Variants in OR8J1 observed in about 807,000 individuals in gnomAD.
OR8J1 encodes olfactory receptor 8J1.
For missense variants in OR8J1, 400 were observed against 373.0 expected, an observed-to-expected ratio of 1.07 and a Z score of -0.60; for synonymous variants, 157 against 144.3, an observed-to-expected ratio of 1.09 and a Z score of -0.63.
In OR8J1 at chr11:56,360,495, T is replaced by G. The variant is rs62001034; in HGVS notation, c.249T>G (p.Ile83Met). Residue 83 changes from isoleucine (I) to methionine (M), a missense_variant, in exon 2 of 2, where the codon ATT becomes ATG. Coordinates refer to ENST00000533152, the MANE Select transcript of OR8J1 (RefSeq NM_001005205.3). ...NSTVIAPKML[I>M]NFLVKKKTTS... ...CTGTCATTGCCCCTAAAATGCTGAT[T>G]AACTTTTTAGTAAAGAAGAAAACTA... The G allele has an allele frequency of 0.019, 30,657 of 1,614,142 alleles. 502 individuals carry two copies. The highest frequency in any genetic ancestry group is 0.06 in the South Asian group (5,476 of 91,078).
intron 1 of OR8J1, among the ~76,000 whole-genome samples, chr11:56,354,732 C>T (rs1260486226): frequency 6.6e-6 from 1 of 152,096 alleles, no homozygotes; most frequent in African/African-American, 2.4e-5. Context: ...CAAAATGATG[C>T]CCCTTTTTGA....
At chr11:56,356,598 G>A (rs1854972068) in intron 1 of OR8J1, among the ~76,000 whole-genome samples, 2 of 152,060 alleles carry the variant, frequency 1.3e-5, no homozygotes, top group South Asian at 4.1e-4. Flanking sequence ...CGTAGTGTTT[G>A]GAAATAAAAG....
At chr11:56,355,266 AATATAT>A (rs142666884) in intron 1 of OR8J1, among the ~76,000 whole-genome samples, 1 of 149,762 alleles carries the variant, frequency 6.7e-6, no homozygotes, top group Non-Finnish European at 1.5e-5. Context: ...ATAGGGAATA[AATATAT>A]ATATATATAT....
Position 56,360,653 on chromosome 11 carries a change from T to A in OR8J1, c.407T>A (p.Val136Glu). The part of the protein sequence containing the change: ...ICNPLLYMVV[V>E]SRRLCLLLVS... ...AACCCTCTGCTGTACATGGTGGTGG[T>A]GTCTCGGCGGCTCTGCCTCCTGCTG... The change falls in exon 2 of 2, where the codon GTG (valine) becomes GAG (glutamate). Residue 136 changes from valine to glutamate, a missense_variant. Transcript: ENST00000533152. 1 of 1,611,664 alleles carries A rather than the reference T, an allele frequency of 6.2e-7. No individual in the cohort carries two copies.
chr11:56,357,114 T>C (rs1270876917), intron 1 of OR8J1, among the ~76,000 whole-genome samples: 1 of 152,138 alleles, frequency 6.6e-6, no homozygotes, highest in Non-Finnish European at 1.5e-5. Flanking sequence ...ACCTCTAAAC[T>C]CATTTTTTGT....
chr11:56,360,732 T>A lies in OR8J1; in HGVS notation c.486T>A (p.Tyr162Ter). The change falls in exon 2 of 2, where the codon TAT becomes TAA. Residue 162 changes from tyrosine to a stop codon, truncating the protein, a stop_gained. Transcript: ENST00000533152. LOFTEE classifies it low-confidence loss of function (END_TRUNC). ...CTACAGCTATTGTGGTTTCATCTTA[T>A]GTATTCTCTGTGTCTTATTGCTCTT... ...GFSTAIVVSSYVFSVSYCSSN... is the reference protein window; with the variant it reads ...GFSTAIVVSS 6.2e-7 allele frequency: 1 copy of A among 1,608,074 alleles called. No homozygotes were observed. Among genetic ancestry groups the A allele is most frequent in the Non-Finnish European group, 8.5e-7 (1 of 1,178,266 alleles).
At chr11:56,355,637 C>T (rs1331421805) in intron 1 of OR8J1, among the ~76,000 whole-genome samples, 8 of 151,966 alleles carry the variant, frequency 5.3e-5, no homozygotes, top group Non-Finnish European at 7.4e-5. Context: ...CAAAAACAAA[C>T]AAACAAACAA....
chr11:56,360,605 A>T lies in OR8J1; in HGVS notation c.359A>T (p.Tyr120Phe). Reference protein sequence around the residue: ...SEVIMLALMAYDRYVAICNPL... With the variant: ...SEVIMLALMAFDRYVAICNPL... ...GTAATCATGCTGGCTTTGATGGCCTATGACCGCTATGTGGCTATTTGTAAC... is the reference window on the plus strand; with the variant it reads ...GTAATCATGCTGGCTTTGATGGCCTTTGACCGCTATGTGGCTATTTGTAAC... Residue 120 changes from tyrosine (Y) to phenylalanine (F), a missense_variant, in exon 2 of 2, where the codon TAT (tyrosine) becomes TTT (phenylalanine). Coordinates refer to ENST00000533152, the MANE Select transcript of OR8J1 (RefSeq NM_001005205.3). 6.2e-7 allele frequency: 1 copy of T among 1,613,364 alleles called. No homozygotes were observed. The highest frequency in any genetic ancestry group is 8.5e-7 in the Non-Finnish European group (1 of 1,179,772).
intron 1 of OR8J1, chr11:56,357,284 C>T: frequency 2.3e-6 from 1 of 443,980 alleles, no homozygotes; most frequent in East Asian, 3.9e-5. Context: ...GCCTGCAGGT[C>T]TCTGTCAAGC....
At position 56,361,150 on chromosome 11, in the gene OR8J1, C is replaced by G. The variant is rs753498218; in HGVS notation, c.904C>G (p.Leu302Val). 7.0e-7 allele frequency: 1 copy of G among 1,433,518 alleles called. No individual in the cohort carries two copies. The highest frequency in any genetic ancestry group is 9.1e-7 in the Non-Finnish European group (1 of 1,096,508). 88.8% of individuals were successfully genotyped at this position (1,433,518 alleles called of 1,614,324 possible). ...SLRNKDVKTA[L>V]QRFMTNLCYS... is the part of the protein sequence containing the mutation. ...GAGGAATAAGGATGTGAAGACTGCT[C>G]TACAGAGATTCATGACAAATCTGTG... The change falls in exon 2 of 2, where the codon CTA (leucine) becomes GTA (valine). Residue 302 changes from leucine (L) to valine (V), a missense_variant. Leu to Val is a conservative substitution (Grantham distance 32). Transcript: ENST00000533152.
intron 1 of OR8J1, among the ~76,000 whole-genome samples, chr11:56,357,093 A>G (rs1854978132): frequency 6.6e-6 from 1 of 152,236 alleles, no homozygotes; most frequent in Non-Finnish European, 1.5e-5. Flanking sequence ...TATACCAGAA[A>G]TCCCATATCA....
intron 1 of OR8J1, chr11:56,357,187 C>A: frequency 4.7e-6 from 1 of 213,024 alleles, no homozygotes. Flanking sequence ...AATTCATTAT[C>A]TTTACAACAA....
intron 1 of OR8J1, among the ~76,000 whole-genome samples, chr11:56,359,266 A>G (rs976788012): frequency 3.3e-5 from 5 of 152,114 alleles, no homozygotes; most frequent in Non-Finnish European, 7.4e-5. Context: ...TTAAAATAGC[A>G]TTTAAATTCT....
intron 1 of OR8J1, chr11:56,358,309 C>A (rs1001667515): frequency 2.4e-5 from 4 of 169,200 alleles, no homozygotes; most frequent in Admixed American, 2.3e-4. Flanking sequence ...AAATAAAATT[C>A]AAATAATCAC....
chr11:56,355,034 T>C (rs985914996), intron 1 of OR8J1, among the ~76,000 whole-genome samples: 1 of 152,066 alleles, frequency 6.6e-6, no homozygotes, highest in African/African-American at 2.4e-5. Context: ...ATTCCTGGTG[T>C]AATGGGACAA....
In OR8J1 at chr11:56,361,221, G is replaced by T; in HGVS notation, c.*24G>T. ...AATTTTAAACAGTACAGGTAAATGA[G>T]GAGAGAGTTAATATAAGCTGCCATT... On this transcript the variant is annotated 3_prime_UTR_variant, in exon 2 of 2. Transcript: ENST00000533152. The T allele has an allele frequency of 9.9e-7, 1 of 1,007,448 alleles. No homozygotes were observed. Among genetic ancestry groups the T allele is most frequent in the Non-Finnish European group, 1.3e-6 (1 of 748,776 alleles). 62.4% of individuals were successfully genotyped at this position (1,007,448 alleles called of 1,614,324 possible). A position where few individuals can be genotyped will look rare whatever the true frequency, so the allele number is the denominator to read the frequency against.
rs191155854 is a variant in OR8J1, at chr11:56,358,141, T to C, written c.-20-2086T>C. On this transcript the variant is annotated intron_variant, in intron 1 of 1. Transcript: ENST00000533152. Reference sequence around the variant, plus strand: ...GAAGAGGCAGAACCATCCCAGAATGTCCCTTGCTCAGAAGAAAGATTGGGT... The same window carrying C: ...GAAGAGGCAGAACCATCCCAGAATGCCCCTTGCTCAGAAGAAAGATTGGGT... 657 of 401,154 alleles carry C rather than the reference T, an allele frequency of 1.6e-3. 12 individuals carry two copies. Among genetic ancestry groups the C allele is most frequent in the Non-Finnish European group, 4.7e-4 (103 of 217,566 alleles). The allele number at this position is 401,154 out of a possible 1,614,324, so 24.8% of individuals were successfully genotyped here.
intron 1 of OR8J1, chr11:56,357,671 C>A: frequency 5.7e-6 from 9 of 1,575,082 alleles, no homozygotes; most frequent in Non-Finnish European, 7.8e-6. Flanking sequence ...TTGGCATGGA[C>A]AAGATCTATG....
rs936881197 is a variant in OR8J1 at position 56,361,161 on chromosome 11, C to T, written c.915C>T (p.Phe305=). Residue 305 remains phenylalanine (F), a synonymous_variant, in exon 2 of 2, where the codon TTC becomes TTT. Transcript: ENST00000533152. ...NKDVKTALQR[F]MTNLCYSFKT... is the part of the protein sequence containing the mutation. ...ATGTGAAGACTGCTCTACAGAGATT[C>T]ATGACAAATCTGTGCTATTCCTTTA... 51 of 1,403,564 alleles carry T rather than the reference C, an allele frequency of 3.6e-5. No homozygotes were observed. The highest frequency in any genetic ancestry group is 4.7e-5 in the Non-Finnish European group (51 of 1,077,050). The allele number at this position is 1,403,564 out of a possible 1,614,324, so 86.9% of individuals were successfully genotyped here. A position where few individuals can be genotyped will look rare whatever the true frequency, so the allele number is the denominator to read the frequency against.
Sources: gnomAD v4.1 joint callset for allele counts (sites outside exome capture counted in the v4.1 genomes callset) on GRCh38, gnomAD v4.1.1 for gene constraint, MANE v1.5 for transcripts, NCBI Gene and HGNC (gene_info 2026-07-23, HGNC 2026-07-21) for gene names.